Variants in JAK2 observed in about 807,000 individuals in gnomAD.
JAK2 encodes Janus kinase 2, also known as tyrosine-protein kinase JAK2.
A neutral mutation model predicts 139.3 loss-of-function variants in JAK2; 86 were observed. The observed-to-expected ratio is 0.62, with a 90% CI of 0.52 to 0.74. The LOEUF (loss-of-function observed/expected upper bound fraction) is 0.74, where lower values mean the gene tolerates loss of function less well. JAK2 is among the 30% of genes least tolerant of loss of function. The pLI is 0.00. For synonymous variants in JAK2, 490 were observed against 437.7 expected (o/e 1.12, Z -1.49); for missense variants, 1,421 against 1,360.3 (o/e 1.04, Z -0.70).
At chr9:5,046,667 A>G (rs995110637) in intron 5 of JAK2, among the ~76,000 whole-genome samples, 2 of 152,140 alleles carry the variant, frequency 1.3e-5, no homozygotes, top group South Asian at 4.1e-4. Context: ...TCTCCATTGA[A>G]TGGTCTTGGC....
At chr9:5,010,886 G>A (rs1050444548) in intron 2 of JAK2, among the ~76,000 whole-genome samples, 2 of 152,118 alleles carry the variant, frequency 1.3e-5, no homozygotes, top group East Asian at 1.9e-4. Flanking sequence ...AGATCCAGTA[G>A]TATGAGAATT....
intron 2 of JAK2, 79 bp from the exon 3 acceptor site, chr9:5,021,884 C>T (rs1822454210): frequency 6.6e-6 from 5 of 757,662 alleles, no homozygotes; most frequent in Non-Finnish European, 1.1e-5. Context: ...CTGCCCGCCT[C>T]GGCCCCGCAA....
chr9:5,087,344 C>A (rs1340552750), intron 19 of JAK2, among the ~76,000 whole-genome samples: 2 of 152,176 alleles, frequency 1.3e-5, no homozygotes, highest in African/African-American at 2.4e-5. Context: ...AGAACTATCA[C>A]GAGAACAGCA....
chr9:5,110,303 AG>A (rs1422260954), intron 22 of JAK2: 3 of 152,174 alleles, frequency 2.0e-5, no homozygotes, highest in African/African-American at 7.2e-5. Context: ...CATTATCTCC[AG>A]GGGCTGTTAC....
At position 5,112,356 on chromosome 9, in the gene JAK2, G is replaced by T. The variant is rs931191465; in HGVS notation, c.3060-10648G>T. The T allele has an allele frequency of 1.1e-5, 4 of 358,610 alleles. No individual in the cohort carries two copies. In the East Asian group the frequency reaches 2.5e-4, roughly 22 times the overall value. The allele number at this position is 358,610 out of a possible 1,614,324, so 22.2% of individuals were successfully genotyped here. On this transcript the variant is annotated intron_variant, in intron 22 of 24. Coordinates refer to ENST00000381652, the MANE Select transcript of JAK2 (RefSeq NM_004972.4). ...CTCTCTTGGCCTTCCGACTCCTGCA[G>T]TGGGCTAGGGCGAGCAGGCCACTGG...
chr9:5,057,199 T>A (rs915473004), intron 8 of JAK2, among the ~76,000 whole-genome samples: 1 of 151,706 alleles, frequency 6.6e-6, no homozygotes, highest in Non-Finnish European at 1.5e-5. Context: ...CATGATATGT[T>A]ATGCTTTTTC....
intron 22 of JAK2, chr9:5,110,990 C>T (rs993644694): frequency 6.1e-6 from 4 of 658,052 alleles, no homozygotes; most frequent in South Asian, 3.0e-5. Context: ...ATGATGTTCC[C>T]GCTGCCCGTT....
At chr9:5,025,628 A>C (rs1490915632) in intron 3 of JAK2, among the ~76,000 whole-genome samples, 2 of 151,034 alleles carry the variant, frequency 1.3e-5, no homozygotes, top group East Asian at 3.9e-4. Flanking sequence ...CCGCCTTCCA[A>C]GTTCAAGTGA....
chr9:5,000,141 A>T (rs1335106493), intron 2 of JAK2, among the ~76,000 whole-genome samples: 3 of 151,876 alleles, frequency 2.0e-5, no homozygotes, highest in Non-Finnish European at 4.4e-5. Context: ...CCTTTGTAGT[A>T]TATATTTTTT....
chr9:5,073,209 A>C (rs143486185), intron 13 of JAK2, among the ~76,000 whole-genome samples: 19 of 152,370 alleles, frequency 1.2e-4, no homozygotes, highest in Non-Finnish European at 2.4e-4. Context: ...TGATTCACTA[A>C]TCATACCCAG....
rs1484169628 is a variant in JAK2 at position 5,111,075 on chromosome 9, C to T, written c.3060-11929C>T. On this transcript the variant is annotated intron_variant, in intron 22 of 24. Transcript: ENST00000381652. ...GTTCAGGTCTTGAGAACTGGCCCAG[C>T]TCAGGCTCCTGGGGCAGCGGCGACC... 3 of 1,215,290 alleles carry T rather than the reference C, an allele frequency of 2.5e-6. No individual in the cohort carries two copies. The East Asian group carries it at 8.6e-5, about 35-fold the overall frequency. 75.3% of individuals were successfully genotyped at this position (1,215,290 alleles called of 1,614,324 possible).
intron 22 of JAK2, among the ~76,000 whole-genome samples, chr9:5,118,127 C>A (rs1480558512): frequency 6.6e-6 from 1 of 152,198 alleles, no homozygotes; most frequent in Non-Finnish European, 1.5e-5. Context: ...CGCCACTGCA[C>A]TCCAGCCTGG....
At chr9:4,998,058 C>A (rs1361325068) in intron 2 of JAK2, among the ~76,000 whole-genome samples, 2 of 152,058 alleles carry the variant, frequency 1.3e-5, no homozygotes, top group Non-Finnish European at 2.9e-5. Context: ...TAAACAACTT[C>A]TAGATTTTTT....
intron 2 of JAK2, among the ~76,000 whole-genome samples, chr9:5,000,523 G>C (rs1820866507): frequency 6.6e-6 from 1 of 152,204 alleles, no homozygotes; most frequent in Non-Finnish European, 1.5e-5. Flanking sequence ...TCATTGTGTA[G>C]ATGGTTTTCT....
chr9:5,079,324 A>C (rs7048465), intron 16 of JAK2, among the ~76,000 whole-genome samples: 11,660 of 152,186 alleles, frequency 0.077, 1,300 homozygotes, highest in African/African-American at 0.25. Context: ...AAGTAGGGTT[A>C]TATTGCTTCT....
At chr9:4,993,676 G>A (rs2129745416) in intron 2 of JAK2, among the ~76,000 whole-genome samples, 1 of 152,252 alleles carries the variant, frequency 6.6e-6, no homozygotes, top group African/African-American at 2.4e-5. Flanking sequence ...AGGGCTCTTA[G>A]GCTCCCATGA....
At chr9:5,078,189 A>C (rs1238702725) in intron 15 of JAK2, 117 bp from the exon 16 acceptor site, 2 of 808,490 alleles carry the variant, frequency 2.5e-6, no homozygotes, top group Admixed American at 2.7e-5. Flanking sequence ...CATGCCTCCA[A>C]ATTATTATAC....
intron 22 of JAK2, among the ~76,000 whole-genome samples, chr9:5,106,969 A>G (rs904201431): frequency 6.6e-6 from 1 of 152,188 alleles, no homozygotes; most frequent in South Asian, 2.1e-4. Flanking sequence ...AACATGGCAC[A>G]TGTATATCTA....
intron 19 of JAK2, chr9:5,085,674 G>T: frequency 1.4e-6 from 1 of 732,874 alleles, no homozygotes; most frequent in Non-Finnish European, 2.5e-6. Flanking sequence ...TCGAGAACGT[G>T]CATTATCAAT....
Sources: allele counts gnomAD v4.1 joint callset (sites outside exome capture counted in the v4.1 genomes callset), GRCh38; gene constraint gnomAD v4.1.1; transcripts MANE v1.5; gene names NCBI Gene and HGNC (gene_info 2026-07-23, HGNC 2026-07-21).